The following DOK6 variants were observed in gnomAD, a reference collection of about 807,000 sequenced individuals.
DOK6 encodes the protein docking protein 6.
In DOK6, 22 loss-of-function variants were observed where a neutral mutation model predicts 44.0. The observed-to-expected ratio is 0.50, with a 90% CI of 0.36 to 0.71. The LOEUF is 0.71. DOK6 is among the 30% of genes least tolerant of loss of function. DOK6 has a pLI of 0.00. For synonymous variants in DOK6, 166 were observed against 145.5 expected (o/e 1.14, Z -1.01); for missense variants, 340 against 416.4 (o/e 0.82, Z 1.60).
At chr18:69,437,995 T>C (rs1188125109) in intron 1 of DOK6, among the ~76,000 whole-genome samples, 1 of 152,222 alleles carries the variant, frequency 6.6e-6, no homozygotes, top group Admixed American at 6.5e-5. Flanking sequence ...ATGCCAATGA[T>C]CATCTGAGAC....
At chr18:69,523,248 G>A (rs2144566263) in intron 1 of DOK6, among the ~76,000 whole-genome samples, 1 of 152,166 alleles carries the variant, frequency 6.6e-6, no homozygotes, top group East Asian at 1.9e-4. Flanking sequence ...AACAATGGAA[G>A]CTGTACAGAC....
chr18:69,817,214 A>T (rs1389154087), intron 7 of DOK6, among the ~76,000 whole-genome samples: 2 of 152,140 alleles, frequency 1.3e-5, no homozygotes, highest in Non-Finnish European at 2.9e-5. Context: ...TTACGTCTTG[A>T]ACTGACTCTT....
chr18:69,844,385 T>A lies in DOK6; in HGVS notation c.*3002T>A, dbSNP rs1367087266. On this transcript the variant is annotated 3_prime_UTR_variant, in exon 8 of 8. Transcript: ENST00000382713. ...ACGTAAGGAATAGCAGTTCTGAAAA[T>A]AGACAAAGCCTAGAGGAGGTATCTA... The A allele has an allele frequency of 6.6e-6, 1 of 152,080 alleles. No homozygotes were observed. Among genetic ancestry groups the A allele is most frequent in the Non-Finnish European group, 1.5e-5 (1 of 68,010 alleles). The allele number at this position is 152,080 out of a possible 1,614,324, so 9.4% of individuals were successfully genotyped here. A position where few individuals can be genotyped will look rare whatever the true frequency, so the allele number is the denominator to read the frequency against.
intron 2 of DOK6, among the ~76,000 whole-genome samples, chr18:69,567,852 T>C (rs1415564791): frequency 1.3e-5 from 2 of 152,204 alleles, no homozygotes; most frequent in Non-Finnish European, 2.9e-5. Context: ...TCACACTGTC[T>C]GTCTCATCAG....
At position 69,406,780 on chromosome 18, in the gene DOK6, G is replaced by A. The variant is rs940953681; in HGVS notation, c.66+5470G>A. 3.9e-5 allele frequency among the ~76,000 whole-genome samples: 6 copies of A among 152,070 alleles called. No individual in the cohort carries two copies. In the East Asian group the frequency reaches 5.8e-4, roughly 15 times the overall value. On this transcript the variant is annotated intron_variant, in intron 1 of 7. Transcript: ENST00000382713. Reference sequence around the variant, plus strand: ...TTTGGATCAGTATAAAATAGAATACGGAATAAAAAATTAGTTTAGGCTGGG... The same window carrying A: ...TTTGGATCAGTATAAAATAGAATACAGAATAAAAAATTAGTTTAGGCTGGG...
intron 5 of DOK6, among the ~76,000 whole-genome samples, chr18:69,732,240 T>C (rs189537450): frequency 2.2e-3 from 330 of 152,272 alleles, no homozygotes; most frequent in Non-Finnish European, 3.4e-3. Context: ...AAATTCCTGA[T>C]TGTCAGGGAA....
Position 69,686,742 on chromosome 18 carries a change from T to G in DOK6, c.409+8889T>G, listed in dbSNP as rs559771183. ...AACCACATATAATAAAACAAGATAATATAAGACACTAGCTTTAATAACAAA... is the reference window on the plus strand; with the variant it reads ...AACCACATATAATAAAACAAGATAAGATAAGACACTAGCTTTAATAACAAA... On this transcript the variant is annotated intron_variant, in intron 4 of 7. Transcript: ENST00000382713. Among the ~76,000 whole-genome samples the G allele has an allele frequency of 1.9e-4, 20 of 104,046 alleles. No homozygotes were observed. The South Asian group carries it at 5.9e-3, about 31-fold the overall frequency. 68.3% of individuals were successfully genotyped at this position (104,046 alleles called of 152,430 possible). A position where few individuals can be genotyped will look rare whatever the true frequency, so the allele number is the denominator to read the frequency against.
intron 3 of DOK6, among the ~76,000 whole-genome samples, chr18:69,656,946 G>A (rs1160490245): frequency 6.6e-6 from 1 of 152,082 alleles, no homozygotes; most frequent in Non-Finnish European, 1.5e-5. Context: ...AACCCTCCAG[G>A]TATTTCTAAT....
At chr18:69,720,228 A>T (rs1986977652) in intron 5 of DOK6, among the ~76,000 whole-genome samples, 1 of 152,140 alleles carries the variant, frequency 6.6e-6, no homozygotes, top group Non-Finnish European at 1.5e-5. Context: ...CCATGATCTA[A>T]CCAACACAAG....
At chr18:69,620,124 A>G (rs908979682) in intron 3 of DOK6, among the ~76,000 whole-genome samples, 9 of 152,166 alleles carry the variant, frequency 5.9e-5, no homozygotes, top group Admixed American at 5.2e-4. Flanking sequence ...CAATTATATC[A>G]ATCCCTAAAA....
Position 69,418,320 on chromosome 18 carries a change from T to G in DOK6, c.66+17010T>G, listed in dbSNP as rs1454040908. On this transcript the variant is annotated intron_variant, in intron 1 of 7. Coordinates refer to ENST00000382713, the MANE Select transcript of DOK6 (RefSeq NM_152721.6). The stretch of plus-strand genomic sequence containing the variant: ...TTTTTGACTTTTGGGATTATTTCAC[T>G]TCATTTTATGTCAAATTCAAATGGA... Among the ~76,000 whole-genome samples the G allele has an allele frequency of 2.6e-5, 4 of 152,204 alleles. No individual in the cohort carries two copies. In the East Asian group the frequency reaches 7.7e-4, roughly 29 times the overall value.
chr18:69,709,857 C>T (rs1423838506), intron 5 of DOK6, among the ~76,000 whole-genome samples: 3 of 152,142 alleles, frequency 2.0e-5, no homozygotes, highest in East Asian at 3.8e-4. Context: ...ATTATAACTT[C>T]TTGGCCACTT....
intron 1 of DOK6, among the ~76,000 whole-genome samples, chr18:69,452,524 C>A (rs961129114): frequency 7.5e-6 from 1 of 134,174 alleles, no homozygotes; most frequent in Admixed American, 7.8e-5. Flanking sequence ...CTATTCCAAT[C>A]AATAGAAAAA....
intron 7 of DOK6, among the ~76,000 whole-genome samples, chr18:69,817,516 C>A (rs778238677): frequency 1.3e-5 from 2 of 152,052 alleles, no homozygotes; most frequent in South Asian, 4.2e-4. Context: ...TGCAGACAGC[C>A]GCCTTCTCAC....
At chr18:69,674,387 TG>T (rs1235141201) in intron 3 of DOK6, among the ~76,000 whole-genome samples, 1 of 152,180 alleles carries the variant, frequency 6.6e-6, no homozygotes, top group Non-Finnish European at 1.5e-5. Flanking sequence ...AAGAATGAAC[TG>T]ATACTGTTTC....
intron 1 of DOK6, among the ~76,000 whole-genome samples, chr18:69,437,497 G>A (rs540470676): frequency 6.6e-6 from 1 of 152,210 alleles, no homozygotes; most frequent in African/African-American, 2.4e-5. Context: ...TGAGTCCTCT[G>A]TTCTGTTCAG....
chr18:69,720,121 A>C (rs2144722863), intron 5 of DOK6, among the ~76,000 whole-genome samples: 1 of 152,276 alleles, frequency 6.6e-6, no homozygotes, highest in African/African-American at 2.4e-5. Flanking sequence ...CCTGGGAGGC[A>C]GAGGTTGCAG....
intron 3 of DOK6, among the ~76,000 whole-genome samples, chr18:69,647,884 C>T (rs9966580): frequency 0.047 from 7,133 of 152,076 alleles, 204 homozygotes; most frequent in Middle Eastern, 0.088. Context: ...CTCTGCCCGC[C>T]GGCAGGGATA....
chr18:69,545,650 G>A (rs1982385546), intron 1 of DOK6, among the ~76,000 whole-genome samples: 1 of 151,044 alleles, frequency 6.6e-6, no homozygotes, highest in African/African-American at 2.4e-5. Flanking sequence ...TGAAGAGAAA[G>A]CTAAATAATA....
Sources: allele counts gnomAD v4.1 joint callset (sites outside exome capture counted in the v4.1 genomes callset), GRCh38; gene constraint gnomAD v4.1.1; transcripts MANE v1.5; gene names NCBI Gene and HGNC (gene_info 2026-07-23, HGNC 2026-07-21).